The following BACH2 variants were observed in gnomAD, a reference collection of about 807,000 sequenced individuals.
The protein encoded by BACH2 is BACH transcriptional regulator 2, also known as transcription regulator protein BACH2.
A neutral mutation model predicts 61.8 loss-of-function variants in BACH2; 5 were observed. That is an observed-to-expected ratio of 0.08 (90% CI 0.04 to 0.17). The LOEUF (loss-of-function observed/expected upper bound fraction) is 0.17, where lower values mean the gene tolerates loss of function less well. BACH2 is among the 10% of genes least tolerant of loss of function. BACH2 has a pLI of 1.00. For missense variants in BACH2, 824 were observed against 1,091.1 expected, an observed-to-expected ratio of 0.76 and a Z score of 3.45; for synonymous variants, 446 against 440.1, an observed-to-expected ratio of 1.01 and a Z score of -0.17.
chr6:90,139,117 C>G (rs1387020974), intron 4 of BACH2, among the ~76,000 whole-genome samples: 1 of 152,130 alleles, frequency 6.6e-6, no homozygotes, highest in Non-Finnish European at 1.5e-5. Flanking sequence ...AAAAAGGCAT[C>G]AAAGGCCTTT....
At position 90,008,521 on chromosome 6, in the gene BACH2, A is replaced by T; in HGVS notation, c.243+81T>A. Reference sequence around the variant, plus strand: ...CCTGAGTGGGGACATGGCACCTAGTACATCTTCTAGCTCCTAGTCAGCCAG... The same window carrying T: ...CCTGAGTGGGGACATGGCACCTAGTTCATCTTCTAGCTCCTAGTCAGCCAG... On this transcript the variant is annotated intron_variant, in intron 6 of 8. Coordinates refer to ENST00000257749, the MANE Select transcript of BACH2 (RefSeq NM_021813.4). The surrounding 1 kb of genome is among the most constrained non-coding windows in gnomAD (Gnocchi z 4.1). 6.4e-7 allele frequency: 1 copy of T among 1,560,752 alleles called. No homozygotes were observed. Among genetic ancestry groups the T allele is most frequent in the Non-Finnish European group, 8.7e-7 (1 of 1,146,308 alleles).
intron 5 of BACH2, among the ~76,000 whole-genome samples, chr6:90,054,325 C>T (rs1419059080): frequency 6.6e-6 from 1 of 152,220 alleles, no homozygotes. Context: ...TTATATCCCG[C>T]ACGTGGCTCA....
rs527788704 is a variant in BACH2 at position 90,158,646 on chromosome 6, G to C, written c.-162+47923C>G. ...AACGAGAGACGGGTGGTTGAGCTGG[G>C]GGATGGGAAAAGACCCAGGAGCACA... On this transcript the variant is annotated intron_variant, in intron 4 of 8. Coordinates refer to ENST00000257749, the MANE Select transcript of BACH2 (RefSeq NM_021813.4). 3.1e-3 allele frequency among the ~76,000 whole-genome samples: 474 copies of C among 152,076 alleles called. 3 individuals are homozygous for C. Among genetic ancestry groups the C allele is most frequent in the Non-Finnish European group, 5.5e-3 (374 of 67,994 alleles).
chr6:90,135,090 T>C (rs1273509100), intron 4 of BACH2, among the ~76,000 whole-genome samples: 1 of 152,188 alleles, frequency 6.6e-6, no homozygotes, highest in African/African-American at 2.4e-5. Flanking sequence ...ATCACCTCCC[T>C]GGCAGCATGC....
chr6:90,296,237 G>C (rs1215330365), intron 1 of BACH2, among the ~76,000 whole-genome samples: 1 of 151,974 alleles, frequency 6.6e-6, no homozygotes, highest in Admixed American at 6.6e-5. Flanking sequence ...ACAGCCGGGA[G>C]GGAGAGCACA....
At chr6:90,135,396 T>G (rs747562085) in intron 4 of BACH2, among the ~76,000 whole-genome samples, 3 of 152,202 alleles carry the variant, frequency 2.0e-5, no homozygotes, top group African/African-American at 2.4e-5. Flanking sequence ...ACTGAATGCT[T>G]GACATTGATC....
At chr6:90,016,038 C>T (rs778230799) in intron 5 of BACH2, among the ~76,000 whole-genome samples, 10 of 152,070 alleles carry the variant, frequency 6.6e-5, no homozygotes, top group South Asian at 4.1e-4. Context: ...TGGAAATATT[C>T]TTTGCTCTGA....
intron 6 of BACH2, among the ~76,000 whole-genome samples, chr6:89,961,937 A>G (rs1042228795): frequency 3.3e-5 from 5 of 152,208 alleles, no homozygotes. Flanking sequence ...GTATCTATTG[A>G]TAAGCCATGT....
At chr6:90,041,693 T>G (rs1467431555) in intron 5 of BACH2, among the ~76,000 whole-genome samples, 1 of 152,214 alleles carries the variant, frequency 6.6e-6, no homozygotes, top group African/African-American at 2.4e-5. Flanking sequence ...TGTAAAAAGT[T>G]GAGTAAAACA....
At chr6:90,020,236 C>T (rs1215408411) in intron 5 of BACH2, among the ~76,000 whole-genome samples, 1 of 152,138 alleles carries the variant, frequency 6.6e-6, no homozygotes, top group Non-Finnish European at 1.5e-5. Flanking sequence ...TCTCAACCTC[C>T]AATTATCATG....
chr6:90,163,596 A>G (rs931030132), intron 4 of BACH2, among the ~76,000 whole-genome samples: 1 of 152,160 alleles, frequency 6.6e-6, no homozygotes, highest in Non-Finnish European at 1.5e-5. Flanking sequence ...AAATATTTTA[A>G]ATCAAGACTA....
intron 5 of BACH2, among the ~76,000 whole-genome samples, chr6:90,023,133 G>A (rs1778462993): frequency 6.6e-6 from 1 of 152,154 alleles, no homozygotes; most frequent in African/African-American, 2.4e-5. Context: ...ATACAATCTG[G>A]TTTCATGTAT....
intron 4 of BACH2, among the ~76,000 whole-genome samples, chr6:90,100,159 C>T (rs549310138): frequency 6.6e-6 from 1 of 152,292 alleles, no homozygotes; most frequent in South Asian, 2.1e-4. Context: ...CTACCACATC[C>T]TGTTTATCCA....
At chr6:90,108,002 C>A (rs1783000623) in intron 4 of BACH2, among the ~76,000 whole-genome samples, 1 of 152,134 alleles carries the variant, frequency 6.6e-6, no homozygotes, top group South Asian at 2.1e-4. Flanking sequence ...TTTACCATAT[C>A]TATTTATTTC....
intron 4 of BACH2, among the ~76,000 whole-genome samples, chr6:90,153,695 A>G (rs751063957): frequency 6.6e-5 from 10 of 152,202 alleles, no homozygotes; most frequent in Non-Finnish European, 1.5e-4. Context: ...ATATTCTTAC[A>G]GAGGAATTTT....
chr6:90,155,771 TTC>T (rs1470467171), intron 4 of BACH2, among the ~76,000 whole-genome samples: 8 of 152,172 alleles, frequency 5.3e-5, no homozygotes, highest in Non-Finnish European at 1.2e-4. Flanking sequence ...ATTGCTTATT[TTC>T]TGTTTTCCTC....
intron 3 of BACH2, among the ~76,000 whole-genome samples, chr6:90,242,179 TCCA>T (rs1163251308): frequency 1.3e-5 from 2 of 152,202 alleles, no homozygotes; most frequent in African/African-American, 4.8e-5. Context: ...CACCTATCTA[TCCA>T]CCATTACAAT....
chr6:90,245,771 A>G (rs575380848), intron 3 of BACH2, among the ~76,000 whole-genome samples: 14 of 152,354 alleles, frequency 9.2e-5, no homozygotes, highest in African/African-American at 2.9e-4. Context: ...GAGAAGTCTG[A>G]ATTTGAAACA....
At chr6:89,990,599 T>C (rs992395828) in intron 6 of BACH2, among the ~76,000 whole-genome samples, 4 of 152,040 alleles carry the variant, frequency 2.6e-5, no homozygotes, top group African/African-American at 9.7e-5. Flanking sequence ...GCAACCCATC[T>C]ACCTTGGCTG....
Sources: allele counts gnomAD v4.1 joint callset (sites outside exome capture counted in the v4.1 genomes callset), GRCh38; gene constraint gnomAD v4.1.1; non-coding constraint Gnocchi (gnomAD v3.1); transcripts MANE v1.5; gene names NCBI Gene and HGNC (gene_info 2026-07-23, HGNC 2026-07-21).